NUAK2: variants seen among roughly 807,000 people sequenced by gnomAD.
NUAK2 encodes the protein NUAK family SNF1-like kinase 2.
In NUAK2, 20 loss-of-function variants were observed where a neutral mutation model predicts 29.8. The observed-to-expected ratio is 0.67, with a 90% CI of 0.47 to 0.98. The LOEUF (loss-of-function observed/expected upper bound fraction) is 0.98. NUAK2 is among the 50% of genes least tolerant of loss of function. The pLI, the probability that NUAK2 is intolerant of heterozygous loss-of-function variation, is 0.00. For synonymous variants in NUAK2, 331 were observed against 342.6 expected (o/e 0.97, Z 0.37); for missense variants, 719 against 834.5 (o/e 0.86, Z 1.71).
At chr1:205,317,037 G>C (rs1181810798) in intron 1 of NUAK2, among the ~76,000 whole-genome samples, 3 of 152,140 alleles carry the variant, frequency 2.0e-5, no homozygotes, top group Non-Finnish European at 4.4e-5. Flanking sequence ...CCTGGAGAAG[G>C]GAATGCCCCA....
rs770413616 is a variant in NUAK2 at position 205,321,662 on chromosome 1, A to C, written c.-34T>G. 48 of 1,575,016 alleles carry C rather than the reference A, an allele frequency of 3.0e-5. No homozygotes were observed. Among genetic ancestry groups the C allele is most frequent in the Non-Finnish European group, 3.8e-5 (44 of 1,160,048 alleles). ...GGAGGTGAGCAAGGGCGGCAGGGGAATCAGTAGGCTGTGCGGGGAGGGCTG... is the reference window on the plus strand; with the variant it reads ...GGAGGTGAGCAAGGGCGGCAGGGGACTCAGTAGGCTGTGCGGGGAGGGCTG... On this transcript the variant is annotated 5_prime_UTR_variant, in exon 1 of 7. Coordinates refer to ENST00000367157, the MANE Select transcript of NUAK2 (RefSeq NM_030952.3).
chr1:205,308,943 A>AG lies in NUAK2; in HGVS notation c.353-212dup, dbSNP rs1281272796. Among the ~76,000 whole-genome samples the AG allele has an allele frequency of 1.3e-5, 2 of 152,102 alleles. No individual in the cohort carries two copies. Among genetic ancestry groups the AG allele is most frequent in the Non-Finnish European group, 2.9e-5 (2 of 68,024 alleles). ...TCCAGGAGCCATGAGTTAAGGCCAA[A>AG]GACACTGGCTCATCCTCTGCCTCCG... On this transcript the variant is annotated intron_variant, in intron 2 of 6. Coordinates refer to ENST00000367157, the MANE Select transcript of NUAK2 (RefSeq NM_030952.3). The surrounding 1 kb of genome is among the most constrained non-coding windows in gnomAD (Gnocchi z 4.1).
Position 205,302,737 on chromosome 1 carries a change from C to CAA in NUAK2, c.*711_*712dup, listed in dbSNP as rs1464611979. The CAA allele has an allele frequency of 1.3e-5, 2 of 151,618 alleles. No individual in the cohort carries two copies. The highest frequency in any genetic ancestry group is 2.9e-5 in the Non-Finnish European group (2 of 67,902). 9.4% of individuals were successfully genotyped at this position (151,618 alleles called of 1,614,324 possible). A position where few individuals can be genotyped will look rare whatever the true frequency, so the allele number is the denominator to read the frequency against. ...AGAAACCCTGTCTCTACTAAAAATA[C>CAA]AAAATTAGCCGGGCATGGTGGCGGG... On this transcript the variant is annotated 3_prime_UTR_variant, in exon 7 of 7. Transcript: ENST00000367157.
chr1:205,321,688 A>G lies in NUAK2; in HGVS notation c.-60T>C. 3.5e-6 allele frequency: 5 copies of G among 1,410,096 alleles called. No individual in the cohort carries two copies. The highest frequency in any genetic ancestry group is 4.9e-6 in the Non-Finnish European group (5 of 1,028,046). 87.3% of individuals were successfully genotyped at this position (1,410,096 alleles called of 1,614,324 possible). On this transcript the variant is annotated 5_prime_UTR_variant, in exon 1 of 7. Transcript: ENST00000367157. ...TCAGTAGGCTGTGCGGGGAGGGCTG[A>G]AGCGCGGGGCACAGGTCCCGCACCA... is the stretch of plus-strand genomic sequence containing the variant.
At chr1:205,306,927 G>C (rs895476240) in intron 4 of NUAK2, among the ~76,000 whole-genome samples, 4 of 152,182 alleles carry the variant, frequency 2.6e-5, no homozygotes, top group Admixed American at 6.5e-5. Context: ...CCTAGCAAAG[G>C]GCTCATTCCT....
In NUAK2 at chr1:205,306,308, C is replaced by A. The variant is rs1662179236; in HGVS notation, c.571-1G>T. 3 of 1,610,284 alleles carry A rather than the reference C, an allele frequency of 1.9e-6. No individual in the cohort carries two copies. The highest frequency in any genetic ancestry group is 2.5e-6 in the Non-Finnish European group (3 of 1,178,482). On this transcript the variant is annotated splice_acceptor_variant, in intron 4 of 6. Transcript: ENST00000367157. LOFTEE classifies it high-confidence loss of function. ...GGTTGGAGAGACCGAAGTCAGCAAT[C>A]TGCAGGATTGAGTCAAACACGGGCA... is the stretch of plus-strand genomic sequence containing the variant.
At position 205,303,449 on chromosome 1, in the gene NUAK2, C is replaced by T; in HGVS notation, c.*1G>A. ...CCGGGCTGGGGCAATGCCTACTCCACTCAGGTGAGCTTTGAGCAGACCCTC... is the reference window on the plus strand; with the variant it reads ...CCGGGCTGGGGCAATGCCTACTCCATTCAGGTGAGCTTTGAGCAGACCCTC... On this transcript the variant is annotated 3_prime_UTR_variant, in exon 7 of 7. Coordinates refer to ENST00000367157, the MANE Select transcript of NUAK2 (RefSeq NM_030952.3). 1.3e-6 allele frequency: 2 copies of T among 1,566,278 alleles called. No individual in the cohort carries two copies. The highest frequency in any genetic ancestry group is 2.7e-5 in the African/African-American group (2 of 73,452).
At chr1:205,306,133 T>G in intron 5 of NUAK2, 55 bp downstream of exon 5, 1 of 1,537,686 alleles carries the variant, frequency 6.5e-7, no homozygotes, top group Admixed American at 2.2e-5. Flanking sequence ...TCTCCCAGGA[T>G]CTAAAGTCAT....
intron 1 of NUAK2, among the ~76,000 whole-genome samples, chr1:205,313,803 GT>G (rs60152032): frequency 0.032 from 4,926 of 152,214 alleles, 112 homozygotes; most frequent in South Asian, 0.094. Flanking sequence ...CTGGGTGGGG[GT>G]GGGGTGTCAC....
intron 1 of NUAK2, among the ~76,000 whole-genome samples, chr1:205,318,899 G>A (rs1662365693): frequency 6.6e-6 from 1 of 152,226 alleles, no homozygotes; most frequent in Non-Finnish European, 1.5e-5. Flanking sequence ...ATCTAGGCAG[G>A]TTGGGAGCGG....
intron 2 of NUAK2, among the ~76,000 whole-genome samples, chr1:205,310,725 G>A (rs969585431): frequency 1.3e-5 from 2 of 151,992 alleles, no homozygotes; most frequent in African/African-American, 4.8e-5. Flanking sequence ...CACTCAGCCT[G>A]GCTTAACCAA....
intron 5 of NUAK2, 96 bp from the exon 6 acceptor site, chr1:205,305,427 C>G: frequency 6.7e-7 from 1 of 1,491,986 alleles, no homozygotes; most frequent in South Asian, 1.3e-5. Flanking sequence ...TGAGGACGAC[C>G]CACCTCTCCT....
chr1:205,311,971 C>T, intron 1 of NUAK2, 146 bp from the exon 2 acceptor site: 1 of 1,042,030 alleles, frequency 9.6e-7, no homozygotes, highest in Non-Finnish European at 1.4e-6. Flanking sequence ...GTGTAGGTGG[C>T]AGAGAGGCTG....
In NUAK2 at chr1:205,311,729, G is replaced by C. The variant is rs149940131; in HGVS notation, c.328C>G (p.Pro110Ala). The change falls in exon 2 of 7, where the codon CCT becomes GCT. Residue 110 changes from proline to alanine, a missense_variant. Transcript: ENST00000367157. The stretch of plus-strand genomic sequence containing the variant: ...CCTTCATGGATGGCAATGATGTGAG[G>C]GTGGTTGAGTGATGACATGATCTCA... ...EIEIMSSLNHPHIIAIHEVFE... is the reference protein window; with the variant it reads ...EIEIMSSLNHAHIIAIHEVFE... The C allele has an allele frequency of 4.3e-5, 69 of 1,614,062 alleles. No homozygotes were observed. The Middle Eastern group carries it at 8.2e-4, about 19-fold the overall frequency.
At chr1:205,314,489 T>C (rs1662299746) in intron 1 of NUAK2, among the ~76,000 whole-genome samples, 1 of 152,204 alleles carries the variant, frequency 6.6e-6, no homozygotes, top group Admixed American at 6.5e-5. Flanking sequence ...CAGGGGTAGA[T>C]GTAGAGAGGG....
intron 1 of NUAK2, among the ~76,000 whole-genome samples, chr1:205,316,555 G>A (rs904393833): frequency 6.6e-6 from 1 of 152,160 alleles, no homozygotes; most frequent in Admixed American, 6.5e-5. Flanking sequence ...AAGGGAGGTG[G>A]GCTAGGGAGG....
intron 1 of NUAK2, among the ~76,000 whole-genome samples, chr1:205,315,181 T>C (rs1015480821): frequency 1.3e-5 from 2 of 152,054 alleles, no homozygotes; most frequent in Non-Finnish European, 2.9e-5. Context: ...CAGGCCTCTA[T>C]CGGTCTCCAA....
At chr1:205,311,895 T>C (rs1662262941) in intron 1 of NUAK2, 70 bp from the exon 2 acceptor site, 1 of 1,599,536 alleles carries the variant, frequency 6.3e-7, no homozygotes, top group African/African-American at 1.3e-5. Flanking sequence ...CTGGTCCTGG[T>C]GGTTTGCCTG....
intron 5 of NUAK2, 160 bp from the exon 6 acceptor site, chr1:205,305,491 G>T (rs1230013127): frequency 3.0e-6 from 3 of 985,326 alleles, no homozygotes. Flanking sequence ...GTTGTCAATC[G>T]CATTTCCTGC....
Sources: gnomAD v4.1 joint callset for allele counts (sites outside exome capture counted in the v4.1 genomes callset) on GRCh38, gnomAD v4.1.1 for gene constraint, Gnocchi (gnomAD v3.1) non-coding constraint, MANE v1.5 for transcripts, NCBI Gene and HGNC (gene_info 2026-07-23, HGNC 2026-07-21) for gene names.